The following SORCS2 variants were observed in gnomAD, a reference collection of about 807,000 sequenced individuals.
SORCS2 encodes the protein VPS10 domain-containing receptor SorCS2.
A neutral mutation model predicts 141.6 loss-of-function variants in SORCS2; 100 were observed. The ratio of observed to expected loss-of-function variants is 0.71; its 90% CI spans 0.60 to 0.83. The LOEUF is 0.83. Among genes scored for constraint, SORCS2 ranks in the 40% least tolerant of loss-of-function variants. SORCS2 has a pLI of 0.00. For missense variants in SORCS2, 1,646 were observed against 1,560.2 expected, an observed-to-expected ratio of 1.05 and a Z score of -0.93; for synonymous variants, 789 against 676.9, an observed-to-expected ratio of 1.17 and a Z score of -2.57.
intron 3 of SORCS2, among the ~76,000 whole-genome samples, chr4:7,582,603 T>A (rs1258873584): frequency 6.6e-6 from 1 of 152,090 alleles, no homozygotes; most frequent in Non-Finnish European, 1.5e-5. Flanking sequence ...CTCGCTGCAA[T>A]CTATTGAAAG....
At chr4:7,257,872 TGGGA>T (rs1714013717) in intron 1 of SORCS2, among the ~76,000 whole-genome samples, 1 of 152,160 alleles carries the variant, frequency 6.6e-6, no homozygotes, top group Non-Finnish European at 1.5e-5. Flanking sequence ...CGACAGGAGA[TGGGA>T]GGAAGGCGAG....
intron 8 of SORCS2, among the ~76,000 whole-genome samples, chr4:7,671,617 G>A (rs141156164): frequency 6.6e-6 from 1 of 152,268 alleles, no homozygotes; most frequent in East Asian, 1.9e-4. Context: ...GCAGAAGAAG[G>A]AATCTGAGAA....
chr4:7,472,088 C>T (rs530265223), intron 2 of SORCS2, among the ~76,000 whole-genome samples: 1 of 152,332 alleles, frequency 6.6e-6, no homozygotes, highest in East Asian at 1.9e-4. Flanking sequence ...GGGCTGTGAC[C>T]ACCAGCCTGT....
intron 1 of SORCS2, among the ~76,000 whole-genome samples, chr4:7,308,730 C>T (rs1036102729): frequency 1.3e-5 from 2 of 152,058 alleles, no homozygotes; most frequent in African/African-American, 4.8e-5. Context: ...CTCCAGCACC[C>T]TGTCCTCTCT....
intron 4 of SORCS2, among the ~76,000 whole-genome samples, chr4:7,639,158 C>T (rs957558825): frequency 6.6e-6 from 1 of 152,168 alleles, no homozygotes; most frequent in East Asian, 1.9e-4. Context: ...TTTCTGCAGC[C>T]GTGGGAACAA....
chr4:7,468,646 G>C (rs935175299), intron 2 of SORCS2, among the ~76,000 whole-genome samples: 1 of 152,200 alleles, frequency 6.6e-6, no homozygotes, highest in Admixed American at 6.5e-5. Flanking sequence ...CTGGCATGGC[G>C]CTTCACCCAG....
chr4:7,723,557 G>T (rs1726744233), intron 18 of SORCS2, 140 bp from the exon 19 acceptor site: 6 of 921,924 alleles, frequency 6.5e-6, no homozygotes, highest in Non-Finnish European at 1.0e-5. Flanking sequence ...GGTCTCCTGT[G>T]GGTCCCCAGA....
Position 7,714,268 on chromosome 4 carries a change from G to C in SORCS2, c.2018G>C (p.Arg673Thr). 1 of 1,610,888 alleles carries C rather than the reference G, an allele frequency of 6.2e-7. No individual in the cohort carries two copies. Among genetic ancestry groups the C allele is most frequent in the Non-Finnish European group, 8.5e-7 (1 of 1,178,744 alleles). ...QGDRCIMGQQ[R>T]SFRKRKSTSW... ...GACCGCTGTATCATGGGCCAGCAGA[G>C]AAGTTTCCGGAAAAGAAAGTCCACG... Residue 673 changes from arginine to threonine, a missense_variant, in exon 16 of 27, where the codon AGA becomes ACA. Transcript: ENST00000507866.
intron 1 of SORCS2, among the ~76,000 whole-genome samples, chr4:7,338,176 G>A (rs1332313536): frequency 1.3e-5 from 2 of 151,556 alleles, no homozygotes; most frequent in African/African-American, 2.4e-5. Context: ...TGGATGGATG[G>A]ATGGATGTTG....
chr4:7,655,319 AAC>A (rs1721694807), intron 5 of SORCS2, among the ~76,000 whole-genome samples: 2 of 152,130 alleles, frequency 1.3e-5, no homozygotes, highest in Admixed American at 6.5e-5. Context: ...GCAACAGAAA[AAC>A]ACACGGAAAG....
intron 1 of SORCS2, among the ~76,000 whole-genome samples, chr4:7,274,065 C>T (rs1316841837): frequency 2.0e-5 from 3 of 152,226 alleles, no homozygotes; most frequent in Non-Finnish European, 4.4e-5. Flanking sequence ...CTCTCCTGCC[C>T]TCAGCCTGGA....
At chr4:7,653,462 C>T (rs904107571) in intron 4 of SORCS2, among the ~76,000 whole-genome samples, 10 of 152,202 alleles carry the variant, frequency 6.6e-5, no homozygotes, top group Middle Eastern at 3.4e-3. Context: ...AGGCTGGTCT[C>T]GAACTCCCAA....
At chr4:7,475,591 C>T (rs754079369) in intron 2 of SORCS2, among the ~76,000 whole-genome samples, 1 of 152,234 alleles carries the variant, frequency 6.6e-6, no homozygotes, top group African/African-American at 2.4e-5. Context: ...ATCCTGGAGC[C>T]CCTTCCCTGT....
intron 1 of SORCS2, among the ~76,000 whole-genome samples, chr4:7,279,173 C>T (rs1715701809): frequency 6.6e-6 from 1 of 152,150 alleles, no homozygotes; most frequent in Non-Finnish European, 1.5e-5. Flanking sequence ...CACCCCTCCT[C>T]CCTTTTTTGG....
At chr4:7,303,815 G>A (rs1459132159) in intron 1 of SORCS2, among the ~76,000 whole-genome samples, 2 of 152,340 alleles carry the variant, frequency 1.3e-5, no homozygotes, top group Admixed American at 6.5e-5. Flanking sequence ...GTCTCTGTCC[G>A]GCTGCCACAG....
chr4:7,273,272 G>T lies in SORCS2; in HGVS notation c.480+80146G>T, dbSNP rs189605117. Reference sequence around the variant, plus strand: ...GGGAGAGAGGATCTGTCAATGGAAGGCTGAGGAAGGTGGATGGAGAGAAGA... The same window carrying T: ...GGGAGAGAGGATCTGTCAATGGAAGTCTGAGGAAGGTGGATGGAGAGAAGA... On this transcript the variant is annotated intron_variant, in intron 1 of 26. Coordinates refer to ENST00000507866, the MANE Select transcript of SORCS2 (RefSeq NM_020777.3). 2.5e-3 allele frequency among the ~76,000 whole-genome samples: 383 copies of T among 152,326 alleles called. 1 individual carries two copies. The highest frequency in any genetic ancestry group is 8.8e-3 in the African/African-American group (366 of 41,582).
At chr4:7,257,200 G>A (rs1317882341) in intron 1 of SORCS2, among the ~76,000 whole-genome samples, 2 of 152,132 alleles carry the variant, frequency 1.3e-5, no homozygotes, top group East Asian at 3.9e-4. Flanking sequence ...TCACACAGAT[G>A]GTGGCCTCTC....
rs1301561869 is a variant in SORCS2 at position 7,233,149 on chromosome 4, A to C, written c.480+40023A>C. ...CTGGGCACAGGCGAGTCCCCAAGGT[A>C]CCCGAGGGAGGCCAGGTACTGTCAC... On this transcript the variant is annotated intron_variant, in intron 1 of 26. Transcript: ENST00000507866. The surrounding 1 kb of genome is among the most constrained non-coding windows in gnomAD (Gnocchi z 4.5). Among the ~76,000 whole-genome samples, 2 of 152,216 alleles carry C rather than the reference A, an allele frequency of 1.3e-5. No individual in the cohort carries two copies. Among genetic ancestry groups the C allele is most frequent in the African/African-American group, 4.8e-5 (2 of 41,554 alleles).
intron 1 of SORCS2, among the ~76,000 whole-genome samples, chr4:7,335,462 G>A (rs374679050): frequency 1.8e-4 from 27 of 152,180 alleles, no homozygotes; most frequent in African/African-American, 6.5e-4. Context: ...CGTGCTGAGC[G>A]CTGCCTTCCC....
Sources: allele counts gnomAD v4.1 joint callset (sites outside exome capture counted in the v4.1 genomes callset), GRCh38; gene constraint gnomAD v4.1.1; non-coding constraint Gnocchi (gnomAD v3.1); transcripts MANE v1.5; gene names NCBI Gene and HGNC (gene_info 2026-07-23, HGNC 2026-07-21).